TAMM41: variants seen among roughly 807,000 people sequenced by gnomAD.
TAMM41 encodes phosphatidate cytidylyltransferase, mitochondrial.
In TAMM41, 36 loss-of-function variants were observed where a neutral mutation model predicts 44.1. The observed-to-expected ratio is 0.82, with a 90% confidence interval of 0.63 to 1.08. The LOEUF (loss-of-function observed/expected upper bound fraction) is 1.08. TAMM41 is among the 50% of genes least tolerant of loss of function. The pLI, the probability that TAMM41 is intolerant of heterozygous loss-of-function variation, is 0.00. For missense variants in TAMM41, 417 were observed against 404.3 expected, an observed-to-expected ratio of 1.03 and a Z score of -0.27; for synonymous variants, 164 against 153.1, an observed-to-expected ratio of 1.07 and a Z score of -0.53.
intron 5 of TAMM41, among the ~76,000 whole-genome samples, chr3:11,815,966 A>G (rs887251430): frequency 4.6e-5 from 7 of 152,218 alleles, no homozygotes; most frequent in African/African-American, 1.4e-4. Flanking sequence ...AATCATGTAC[A>G]TGCATAAAAC....
intron 5 of TAMM41, among the ~76,000 whole-genome samples, chr3:11,816,815 G>C (rs893365183): frequency 1.3e-5 from 2 of 152,100 alleles, no homozygotes; most frequent in Non-Finnish European, 2.9e-5. Flanking sequence ...ACACCAAACT[G>C]TCAGTACAGT....
At chr3:11,797,486 A>G (rs1475567005) in intron 7 of TAMM41, among the ~76,000 whole-genome samples, 1 of 152,216 alleles carries the variant, frequency 6.6e-6, no homozygotes, top group African/African-American at 2.4e-5. Flanking sequence ...ACCATATACA[A>G]AAATTAAGTC....
chr3:11,824,729 T>C (rs1330075031), intron 4 of TAMM41, among the ~76,000 whole-genome samples: 1 of 152,178 alleles, frequency 6.6e-6, no homozygotes, highest in East Asian at 1.9e-4. Flanking sequence ...TGTCACATAC[T>C]ATTGGAAGCA....
At chr3:11,795,055 G>GA in intron 7 of TAMM41, among the ~76,000 whole-genome samples, 1 of 152,200 alleles carries the variant, frequency 6.6e-6, no homozygotes, top group African/African-American at 2.4e-5. Context: ...AAATGCTTCA[G>GA]TTTTAAGAAA....
chr3:11,734,878 CAAAA>C, the TAMM41 span, among the ~76,000 whole-genome samples: 186 of 73,270 alleles, frequency 2.5e-3, 2 homozygotes, highest in African/African-American at 9.1e-3. Context: ...TACTAAAATA[CAAAA>C]AAAAAAAAAA....
chr3:11,730,433 A>G, the TAMM41 span, among the ~76,000 whole-genome samples: 1 of 149,178 alleles, frequency 6.7e-6, no homozygotes, highest in African/African-American at 2.5e-5. Flanking sequence ...AAAAAAAAAA[A>G]GAAAAAGAAA....
intron 7 of TAMM41, among the ~76,000 whole-genome samples, chr3:11,802,288 A>G (rs2077777290): frequency 6.6e-6 from 1 of 152,220 alleles, no homozygotes; most frequent in South Asian, 2.1e-4. Context: ...GCTAAGACTA[A>G]GAAGACAAGA....
chr3:11,759,166 C>T, the TAMM41 span, among the ~76,000 whole-genome samples: 15 of 151,982 alleles, frequency 9.9e-5, no homozygotes, highest in African/African-American at 3.6e-4. Context: ...AATTATTTTT[C>T]ATCTTTGTCA....
chr3:11,823,412 C>T (rs192129420), intron 4 of TAMM41, among the ~76,000 whole-genome samples: 171 of 151,444 alleles, frequency 1.1e-3, no homozygotes, highest in Admixed American at 3.0e-3. Context: ...CACACCACCA[C>T]GTCCAACTAA....
the TAMM41 span, among the ~76,000 whole-genome samples, chr3:11,751,722 A>C: frequency 6.6e-6 from 1 of 152,164 alleles, no homozygotes; most frequent in Non-Finnish European, 1.5e-5. Context: ...CAGGCCTTAG[A>C]TTGTGAAACT....
the TAMM41 span, among the ~76,000 whole-genome samples, chr3:11,745,037 AT>A: frequency 7.2e-5 from 11 of 151,950 alleles, no homozygotes; most frequent in Non-Finnish European, 1.5e-4. Flanking sequence ...TTAATTTTGT[AT>A]TTTTAGTAGA....
intron 1 of TAMM41, among the ~76,000 whole-genome samples, chr3:11,845,557 T>C (rs2079644942): frequency 6.6e-6 from 1 of 152,146 alleles, no homozygotes; most frequent in South Asian, 2.1e-4. Flanking sequence ...AAATGTGTAA[T>C]TATGTTAAGG....
intron 3 of TAMM41, among the ~76,000 whole-genome samples, chr3:11,832,009 T>A (rs558902481): frequency 2.0e-5 from 3 of 152,342 alleles, no homozygotes; most frequent in African/African-American, 7.2e-5. Flanking sequence ...TGCCTACAGT[T>A]GCATAATGAG....
At chr3:11,825,016 C>T (rs113027659) in intron 4 of TAMM41, among the ~76,000 whole-genome samples, 1,700 of 152,036 alleles carry the variant, frequency 0.011, 18 homozygotes, top group Non-Finnish European at 0.02. Flanking sequence ...GAAGGAGTGA[C>T]CTAAGTGTGA....
the TAMM41 span, among the ~76,000 whole-genome samples, chr3:11,782,580 G>GT: frequency 1.7e-4 from 26 of 151,674 alleles, no homozygotes; most frequent in Non-Finnish European, 3.2e-4. Context: ...AAGTGGGATC[G>GT]TATCTACGTT....
the TAMM41 span, among the ~76,000 whole-genome samples, chr3:11,764,587 C>T: frequency 1.4e-5 from 2 of 147,670 alleles, no homozygotes; most frequent in Non-Finnish European, 3.0e-5. Flanking sequence ...CCGCCTCCCA[C>T]GTTCACGCCA....
intron 7 of TAMM41, among the ~76,000 whole-genome samples, chr3:11,791,769 TAATG>T (rs1006175655): frequency 6.6e-5 from 10 of 152,170 alleles, no homozygotes; most frequent in Admixed American, 3.9e-4. Context: ...GTAAAATCAT[TAATG>T]AATACTTCCA....
the TAMM41 span, among the ~76,000 whole-genome samples, chr3:11,745,027 T>C: frequency 6.6e-5 from 10 of 152,118 alleles, no homozygotes; most frequent in South Asian, 2.1e-3. Flanking sequence ...CCACACTCGG[T>C]TAATTTTGTA....
At chr3:11,761,232 T>C in the TAMM41 span, among the ~76,000 whole-genome samples, 1 of 152,090 alleles carries the variant, frequency 6.6e-6, no homozygotes, top group African/African-American at 2.4e-5. Context: ...TGAATTCATC[T>C]CTTCTTGATT....
Sources: allele counts gnomAD v4.1 joint callset (sites outside exome capture counted in the v4.1 genomes callset), GRCh38; gene constraint gnomAD v4.1.1; transcripts MANE v1.5; gene names NCBI Gene and HGNC (gene_info 2026-07-23, HGNC 2026-07-21).